The following TNIK variants were observed in gnomAD, a reference collection of about 807,000 sequenced individuals.
TNIK encodes the protein TRAF2 and NCK interacting kinase.
Under a neutral mutation model 191.3 loss-of-function variants are expected in TNIK, and 49 were observed. The ratio of observed to expected loss-of-function variants is 0.26; its 90% CI spans 0.20 to 0.32. The LOEUF (loss-of-function observed/expected upper bound fraction) is 0.32. Ranked by LOEUF, TNIK falls within the 10% of genes least tolerant of loss-of-function variation. The pLI, the probability that TNIK is intolerant of heterozygous loss-of-function variation, is 1.00. For missense variants in TNIK, 1,155 were observed against 1,702.3 expected (o/e 0.68, Z 5.66); for synonymous variants, 594 against 600.9 (o/e 0.99, Z 0.17).
At chr3:171,217,705 C>T (rs989076990) in intron 3 of TNIK, among the ~76,000 whole-genome samples, 7 of 152,088 alleles carry the variant, frequency 4.6e-5, no homozygotes, top group African/African-American at 9.7e-5. Context: ...GTGGAAGACA[C>T]AGATATGAAT....
intron 2 of TNIK, among the ~76,000 whole-genome samples, chr3:171,331,701 C>T (rs1756434810): frequency 6.6e-6 from 1 of 152,158 alleles, no homozygotes; most frequent in Non-Finnish European, 1.5e-5. Flanking sequence ...AGAGGGTTTT[C>T]TAACGCTCCA....
intron 1 of TNIK, among the ~76,000 whole-genome samples, chr3:171,390,411 T>C (rs1199700555): frequency 6.6e-6 from 1 of 152,188 alleles, no homozygotes; most frequent in Admixed American, 6.5e-5. Flanking sequence ...TTTTTGTACC[T>C]CTGGTTGCAG....
chr3:171,251,908 T>C (rs1171287739), intron 2 of TNIK, among the ~76,000 whole-genome samples: 1 of 152,158 alleles, frequency 6.6e-6, no homozygotes, highest in African/African-American at 2.4e-5. Context: ...AGAAAGTAAA[T>C]ATGATAACAG....
At chr3:171,283,542 GAAA>G (rs563080032) in intron 2 of TNIK, among the ~76,000 whole-genome samples, 3 of 152,162 alleles carry the variant, frequency 2.0e-5, no homozygotes, top group Non-Finnish European at 2.9e-5. Context: ...TAAGGGCTCT[GAAA>G]AAAGACAGTC....
At chr3:171,104,112 A>ATTTT (rs1576818671) in intron 21 of TNIK, among the ~76,000 whole-genome samples, 1 of 152,096 alleles carries the variant, frequency 6.6e-6, no homozygotes, top group African/African-American at 2.4e-5. Flanking sequence ...GGCGAGACAT[A>ATTTT]TACCAGAATC....
At chr3:171,278,571 C>T (rs1032537833) in intron 2 of TNIK, among the ~76,000 whole-genome samples, 1 of 152,142 alleles carries the variant, frequency 6.6e-6, no homozygotes, top group African/African-American at 2.4e-5. Context: ...CATCACAATC[C>T]TTTAAATTGC....
intron 9 of TNIK, among the ~76,000 whole-genome samples, chr3:171,170,258 T>C (rs1735109412): frequency 6.6e-6 from 1 of 152,256 alleles, no homozygotes; most frequent in Non-Finnish European, 1.5e-5. Flanking sequence ...CTAGTTCTAC[T>C]ATCAGAGTCA....
intron 2 of TNIK, among the ~76,000 whole-genome samples, chr3:171,308,776 G>A (rs1753721469): frequency 6.6e-6 from 1 of 152,030 alleles, no homozygotes; most frequent in African/African-American, 2.4e-5. Context: ...AGACATACAT[G>A]CATCCAACAA....
chr3:171,287,780 G>T (rs1186625836), intron 2 of TNIK, among the ~76,000 whole-genome samples: 1 of 152,088 alleles, frequency 6.6e-6, no homozygotes, highest in Non-Finnish European at 1.5e-5. Context: ...TATATAAAGG[G>T]CCAAATTGTT....
At chr3:171,125,716 G>A (rs574974194) in intron 17 of TNIK, among the ~76,000 whole-genome samples, 196 bp downstream of exon 17, 3 of 152,074 alleles carry the variant, frequency 2.0e-5, no homozygotes, top group Non-Finnish European at 2.9e-5. Flanking sequence ...GTTTTCTTGC[G>A]GGGGAAATAA....
chr3:171,319,512 GAA>G (rs369246394), intron 2 of TNIK, among the ~76,000 whole-genome samples: 2 of 150,420 alleles, frequency 1.3e-5, no homozygotes, highest in Admixed American at 6.6e-5. Flanking sequence ...AGATTTGGGG[GAA>G]AAAAAAAGAG....
intron 1 of TNIK, among the ~76,000 whole-genome samples, chr3:171,379,416 A>G (rs1276671451): frequency 6.6e-6 from 1 of 152,208 alleles, no homozygotes; most frequent in Non-Finnish European, 1.5e-5. Context: ...TAGCACAGCT[A>G]TTTTAATCCT....
intron 2 of TNIK, among the ~76,000 whole-genome samples, chr3:171,239,595 G>T (rs181859218): frequency 6.6e-6 from 1 of 152,166 alleles, no homozygotes; most frequent in Non-Finnish European, 1.5e-5. Flanking sequence ...CCAGATCTCC[G>T]CAAAGGCTGA....
At chr3:171,355,262 C>G (rs1189690875) in intron 2 of TNIK, among the ~76,000 whole-genome samples, 1 of 152,100 alleles carries the variant, frequency 6.6e-6, no homozygotes, top group Non-Finnish European at 1.5e-5. Flanking sequence ...CTGAAGCACT[C>G]TCAGAGGGGC....
intron 2 of TNIK, among the ~76,000 whole-genome samples, chr3:171,293,790 AAAT>A (rs1434832267): frequency 6.6e-6 from 1 of 152,202 alleles, no homozygotes; most frequent in East Asian, 1.9e-4. Context: ...ATTTAAAGAA[AAAT>A]AATAGGCCAG....
At chr3:171,235,935 C>G (rs746870324) in intron 2 of TNIK, among the ~76,000 whole-genome samples, 1 of 152,040 alleles carries the variant, frequency 6.6e-6, no homozygotes, top group Non-Finnish European at 1.5e-5. Context: ...GGTGTATAGC[C>G]CTTAATAACT....
In TNIK at chr3:171,314,480, T is replaced by C. The variant is rs149662023; in HGVS notation, c.123+55140A>G. Among the ~76,000 whole-genome samples the C allele has an allele frequency of 8.9e-4, 135 of 152,318 alleles. 2 individuals are homozygous for C. Among genetic ancestry groups the C allele is most frequent in the African/African-American group, 3.2e-3 (132 of 41,590 alleles). ...TGTTGCCATCCCATTTCTGCCTCTC[T>C]GTAATTTGTCTAAAGACTCACTGTG... On this transcript the variant is annotated intron_variant, in intron 2 of 32. Coordinates refer to ENST00000436636, the MANE Select transcript of TNIK (RefSeq NM_015028.4).
At chr3:171,081,967 C>T (rs945041035) in intron 27 of TNIK, among the ~76,000 whole-genome samples, 6 of 152,130 alleles carry the variant, frequency 3.9e-5, no homozygotes, top group African/African-American at 9.7e-5. Flanking sequence ...TAAAAACATC[C>T]GAAGATCCTT....
Position 171,183,789 on chromosome 3 carries a change from C to T in TNIK, c.639+4913G>A, listed in dbSNP as rs575355441. On this transcript the variant is annotated intron_variant, in intron 7 of 32. Coordinates refer to ENST00000436636, the MANE Select transcript of TNIK (RefSeq NM_015028.4). The stretch of plus-strand genomic sequence containing the variant: ...CACAAAAATTCACTGGGCGTGGTGG[C>T]GGGCGCCTGTAATCCCAGCTACTCA... 5.2e-3 allele frequency among the ~76,000 whole-genome samples: 794 copies of T among 151,976 alleles called. 7 individuals carry two copies. Among genetic ancestry groups the T allele is most frequent in the African/African-American group, 0.016 (644 of 41,454 alleles).
Sources: allele counts gnomAD v4.1 joint callset (sites outside exome capture counted in the v4.1 genomes callset), GRCh38; gene constraint gnomAD v4.1.1; transcripts MANE v1.5; gene names NCBI Gene and HGNC (gene_info 2026-07-23, HGNC 2026-07-21).